PHTF2: variants seen among roughly 807,000 people sequenced by gnomAD.
The protein encoded by PHTF2 is putative homeodomain transcription factor 2.
Under a neutral mutation model 101.2 loss-of-function variants are expected in PHTF2, and 60 were observed. The ratio of observed to expected loss-of-function variants is 0.59; its 90% CI spans 0.48 to 0.73. The LOEUF is 0.73. Ranked by LOEUF, PHTF2 falls within the 30% of genes least tolerant of loss-of-function variation. The pLI is 0.00. For missense variants in PHTF2, 747 were observed against 908.7 expected (o/e 0.82, Z 2.29); for synonymous variants, 311 against 307.3 (o/e 1.01, Z -0.13).
intron 1 of PHTF2, among the ~76,000 whole-genome samples, chr7:77,830,117 G>A (rs143672438): frequency 1.1e-3 from 165 of 152,226 alleles, no homozygotes; most frequent in African/African-American, 3.7e-3. Flanking sequence ...AAAGACATTG[G>A]ACTGCTCTCA....
chr7:77,920,248 C>G (rs377646178), intron 9 of PHTF2, 31 bp from the exon 9 acceptor site: 2 of 1,254,616 alleles, frequency 1.6e-6, no homozygotes, highest in Non-Finnish European at 1.1e-6. Flanking sequence ...AAGCTAAGTC[C>G]AAACATTCTT....
chr7:77,807,450 G>C (rs1024620911), intron 1 of PHTF2, among the ~76,000 whole-genome samples: 1 of 151,948 alleles, frequency 6.6e-6, no homozygotes, highest in African/African-American at 2.4e-5. Context: ...CTGATAATTA[G>C]TGATGTTGAG....
chr7:77,867,263 G>A (rs1002196884), intron 3 of PHTF2, among the ~76,000 whole-genome samples: 33 of 152,182 alleles, frequency 2.2e-4, no homozygotes, highest in Admixed American at 5.9e-4. Context: ...GGGATTAAAT[G>A]TAACCCTTCC....
intron 17 of PHTF2, among the ~76,000 whole-genome samples, chr7:77,951,286 A>G (rs1433225442): frequency 1.3e-5 from 2 of 152,190 alleles, no homozygotes; most frequent in African/African-American, 2.4e-5. Flanking sequence ...TAAAAAAGAA[A>G]GAAAGAAAAA....
chr7:77,825,441 C>T (rs1794631757), intron 1 of PHTF2, among the ~76,000 whole-genome samples: 2 of 152,258 alleles, frequency 1.3e-5, no homozygotes, highest in South Asian at 2.1e-4. Context: ...AGCGCTGAGC[C>T]TCAGCAGAGG....
chr7:77,886,216 G>A (rs1262307545), intron 3 of PHTF2, among the ~76,000 whole-genome samples: 1 of 152,158 alleles, frequency 6.6e-6, no homozygotes, highest in Non-Finnish European at 1.5e-5. Context: ...TGATAACCTA[G>A]GGGTAATTAG....
intron 2 of PHTF2, among the ~76,000 whole-genome samples, chr7:77,853,335 G>T (rs1220929555): frequency 6.8e-6 from 1 of 147,632 alleles, no homozygotes; most frequent in African/African-American, 2.6e-5. Context: ...TGCTTGATCA[G>T]TTCTGCTGTT....
chr7:77,818,005 G>T (rs1562838962), intron 1 of PHTF2, among the ~76,000 whole-genome samples: 1 of 151,842 alleles, frequency 6.6e-6, no homozygotes, highest in Non-Finnish European at 1.5e-5. Flanking sequence ...AGCTACTTGG[G>T]AGGCTGAGGC....
chr7:77,920,187 C>G, intron 9 of PHTF2, 92 bp from the exon 9 acceptor site: 1 of 637,562 alleles, frequency 1.6e-6, no homozygotes, highest in South Asian at 2.2e-5. Flanking sequence ...AAATAGCTAT[C>G]TGATGTAATT....
chr7:77,820,995 C>A lies in PHTF2; in HGVS notation c.-35-19226C>A, dbSNP rs555728893. On this transcript the variant is annotated intron_variant, in intron 1 of 19. Transcript: ENST00000416283. ...TCCTTTTACTTCCAACTGTGAGACT[C>A]CCTTGAGCATTTCTTATAAGGCTGG... Among the ~76,000 whole-genome samples, 5 of 152,264 alleles carry A rather than the reference C, an allele frequency of 3.3e-5. No individual in the cohort carries two copies. In the South Asian group the frequency reaches 1.0e-3, roughly 32 times the overall value.
intron 2 of PHTF2, among the ~76,000 whole-genome samples, chr7:77,853,038 T>C (rs1460395853): frequency 6.6e-6 from 1 of 152,178 alleles, no homozygotes; most frequent in Non-Finnish European, 1.5e-5. Context: ...AGTTTGATTA[T>C]TAAATGCCTT....
chr7:77,891,233 G>A (rs1248819436), intron 3 of PHTF2, among the ~76,000 whole-genome samples: 2 of 152,040 alleles, frequency 1.3e-5, no homozygotes, highest in African/African-American at 4.8e-5. Flanking sequence ...ACTGCACCTG[G>A]CCTAAAAAAT....
At chr7:77,894,993 A>G (rs1241190633) in intron 5 of PHTF2, among the ~76,000 whole-genome samples, 1 of 152,194 alleles carries the variant, frequency 6.6e-6, no homozygotes, top group Non-Finnish European at 1.5e-5. Context: ...AAGAATTTAG[A>G]CATAATCTGG....
chr7:77,942,579 T>C, intron 15 of PHTF2, 121 bp from the exon 15 acceptor site: 1 of 509,614 alleles, frequency 2.0e-6, no homozygotes, highest in South Asian at 3.6e-5. Context: ...TTCAACATTG[T>C]GGGCTGTGAT....
intron 3 of PHTF2, among the ~76,000 whole-genome samples, chr7:77,867,183 C>T (rs1335604931): frequency 6.6e-6 from 1 of 152,022 alleles, no homozygotes; most frequent in South Asian, 2.1e-4. Context: ...TTAAATAAGC[C>T]CTGACAGCTT....
Position 77,940,515 on chromosome 7 carries a change from T to TA in PHTF2, c.1741-11dup, listed in dbSNP as rs1805557399. ...TCTACTTGAAAATTAATCCTCATCT[T>TA]AATCTTTTTTAGCGATTACTTTTTG... On this transcript the variant is annotated splice_polypyrimidine_tract_variant and intron_variant, in intron 14 of 19. Transcript: ENST00000416283. 1.3e-6 allele frequency: 2 copies of TA among 1,580,478 alleles called. No homozygotes were observed. Among genetic ancestry groups the TA allele is most frequent in the Admixed American group, 1.9e-5 (1 of 53,680 alleles).
exon 20 of PHTF2, chr7:77,955,054 A>G (rs1806911221): frequency 1.1e-5 from 4 of 364,286 alleles, no homozygotes. Context: ...TTTTTTTTAC[A>G]TTTATTTTAG....
chr7:77,899,614 A>G (rs1562929191), intron 5 of PHTF2, among the ~76,000 whole-genome samples: 1 of 152,098 alleles, frequency 6.6e-6, no homozygotes, highest in Non-Finnish European at 1.5e-5. Context: ...TTAATTGCAT[A>G]TTGGTTTCAG....
chr7:77,811,345 G>A (rs1034920319), intron 1 of PHTF2, among the ~76,000 whole-genome samples: 3 of 152,130 alleles, frequency 2.0e-5, no homozygotes, highest in Non-Finnish European at 4.4e-5. Context: ...TATCTGCCAG[G>A]TTTCTACAAG....
Sources: gnomAD v4.1 joint callset for allele counts (sites outside exome capture counted in the v4.1 genomes callset) on GRCh38, gnomAD v4.1.1 for gene constraint, MANE v1.5 for transcripts, NCBI Gene and HGNC (gene_info 2026-07-23, HGNC 2026-07-21) for gene names.